Variants in DNAH3 observed in about 807,000 individuals in gnomAD.
DNAH3 encodes the protein axonemal beta dynein heavy chain 3.
A neutral mutation model predicts 432.5 loss-of-function variants in DNAH3; 332 were observed. The ratio of observed to expected loss-of-function variants is 0.77; its 90% confidence interval spans 0.70 to 0.84. The LOEUF (loss-of-function observed/expected upper bound fraction) is 0.84. Among genes scored for constraint, DNAH3 ranks in the 40% least tolerant of loss-of-function variants. The pLI, the probability that DNAH3 is intolerant of heterozygous loss-of-function variation, is 0.00. For synonymous variants in DNAH3, 1,956 were observed against 1,900.2 expected (o/e 1.03, Z -0.76); for missense variants, 4,861 against 5,114.0 (o/e 0.95, Z 1.51).
chr16:20,934,732 G>GT (rs1357141007), intron 61 of DNAH3, among the ~76,000 whole-genome samples: 1 of 151,868 alleles, frequency 6.6e-6, no homozygotes, highest in East Asian at 1.9e-4. Flanking sequence ...AAGAAAGATG[G>GT]TTTTATCTTT....
At position 20,985,347 on chromosome 16, in the gene DNAH3, T is replaced by C. The variant is rs751943109; in HGVS notation, c.7395A>G (p.Ala2465=). Reference sequence around the variant, plus strand: ...TAAGATCTTCTCGCCAGTCATTGCCTGCGTAGTTCTTGGTGATCTCAATCT... The same window carrying C: ...TAAGATCTTCTCGCCAGTCATTGCCCGCGTAGTTCTTGGTGATCTCAATCT... The change falls in exon 48 of 62, where the codon GCA becomes GCG. Residue 2465 remains alanine, a synonymous_variant. Coordinates refer to ENST00000261383, the Ensembl canonical transcript of DNAH3. 3.7e-6 allele frequency: 6 copies of C among 1,614,206 alleles called. No individual in the cohort carries two copies. In the Admixed American group the frequency reaches 1.0e-4, roughly 27 times the overall value.
exon 53 of DNAH3, chr16:20,965,356 A>G (rs780956822): frequency 6.4e-6 from 10 of 1,558,630 alleles, no homozygotes; most frequent in Admixed American, 4.0e-5. Context: ...ATATGTCTTA[A>G]GACTCTCCAA....
At chr16:20,969,661 CTTTCT>C (rs139683653) in intron 52 of DNAH3, 126 bp downstream of exon 52, 91,014 of 1,075,278 alleles carry the variant, frequency 0.085, 4,322 homozygotes, top group East Asian at 0.17. Flanking sequence ...AGCCTGGTTC[CTTTCT>C]TAATTCCTCC....
At position 21,039,949 on chromosome 16, in the gene DNAH3, A is replaced by G. The variant is rs557391920; in HGVS notation, c.4639-6T>C. The G allele has an allele frequency of 1.5e-5, 24 of 1,611,348 alleles. No individual in the cohort carries two copies. The highest frequency in any genetic ancestry group is 2.0e-5 in the Non-Finnish European group (24 of 1,177,726). On this transcript the variant is annotated splice_region_variant and splice_polypyrimidine_tract_variant and intron_variant, in intron 32 of 61. Coordinates refer to ENST00000261383, the Ensembl canonical transcript of DNAH3. ...GCCACTGTCCGGAACAAGGCCTGGA[A>G]AAGAAACAACAAATCAGAATCGGAA...
chr16:20,952,113 G>C (rs2084342091), intron 56 of DNAH3, among the ~76,000 whole-genome samples: 1 of 151,922 alleles, frequency 6.6e-6, no homozygotes, highest in Non-Finnish European at 1.5e-5. Context: ...CTTGACCTCA[G>C]GTGATCCACC....
intron 9 of DNAH3, among the ~76,000 whole-genome samples, chr16:21,122,671 G>T (rs994813944): frequency 2.0e-5 from 3 of 152,016 alleles, no homozygotes; most frequent in Admixed American, 2.0e-4. Flanking sequence ...GGTAATTCCT[G>T]CACCCAATAT....
intron 36 of DNAH3, 142 bp downstream of exon 36, chr16:21,033,832 C>T (rs2089018390): frequency 3.5e-6 from 2 of 572,590 alleles, no homozygotes; most frequent in Admixed American, 3.1e-5. Context: ...TGCTTGCAGA[C>T]ATCTGTGTGC....
chr16:21,127,500 G>T (rs1057042236), intron 8 of DNAH3, among the ~76,000 whole-genome samples, 187 bp downstream of exon 9: 13 of 152,026 alleles, frequency 8.6e-5, no homozygotes, highest in African/African-American at 3.1e-4. Flanking sequence ...GGCAGAAGTT[G>T]CAGTGAGCTG....
At chr16:21,154,449 C>T (rs774719189) in intron 1 of DNAH3, among the ~76,000 whole-genome samples, 5 of 151,928 alleles carry the variant, frequency 3.3e-5, no homozygotes, top group Admixed American at 6.6e-5. Flanking sequence ...GCTAATGGAC[C>T]CTATGGCCTG....
intron 58 of DNAH3, among the ~76,000 whole-genome samples, chr16:20,942,550 C>T (rs776721865): frequency 1.3e-5 from 2 of 152,086 alleles, no homozygotes; most frequent in Non-Finnish European, 2.9e-5. Flanking sequence ...GCACTAGGAA[C>T]CAAATCATGA....
exon 14 of DNAH3, chr16:21,111,770 A>G: frequency 6.2e-7 from 1 of 1,613,858 alleles, no homozygotes; most frequent in Non-Finnish European, 8.5e-7. Flanking sequence ...CATGGATGCA[A>G]TTTCATTTCT....
chr16:21,139,693 C>A (rs1040147126), intron 5 of DNAH3, among the ~76,000 whole-genome samples: 3 of 151,542 alleles, frequency 2.0e-5, no homozygotes, highest in African/African-American at 7.3e-5. Flanking sequence ...GTCTTGAGAT[C>A]CTGGGCTCAA....
chr16:21,055,745 A>ATC, intron 27 of DNAH3, among the ~76,000 whole-genome samples: 1 of 134,238 alleles, frequency 7.4e-6, no homozygotes, highest in South Asian at 2.5e-4. Context: ...TCAAATGCAG[A>ATC]TTTTTTTTTT....
chr16:20,970,621 T>C (rs918464195), intron 51 of DNAH3, among the ~76,000 whole-genome samples: 2 of 152,240 alleles, frequency 1.3e-5, no homozygotes, highest in Admixed American at 6.5e-5. Context: ...CCCTGAGTCT[T>C]AGCATGAAAA....
chr16:20,958,492 C>A (rs1393159388), intron 54 of DNAH3, among the ~76,000 whole-genome samples: 1 of 152,194 alleles, frequency 6.6e-6, no homozygotes, highest in Admixed American at 6.5e-5. Flanking sequence ...TATACCAGAG[C>A]TGTAAGATAA....
chr16:21,127,869 G>A (rs1427861877), intron 7 of DNAH3, 57 bp from the exon 9 acceptor site: 23 of 1,599,008 alleles, frequency 1.4e-5, no homozygotes, highest in Admixed American at 8.4e-5. Context: ...AACAAATCCC[G>A]CAGGACAGGT....
intron 18 of DNAH3, among the ~76,000 whole-genome samples, chr16:21,096,687 C>T (rs1001299347): frequency 3.3e-5 from 5 of 151,848 alleles, no homozygotes; most frequent in Admixed American, 1.3e-4. Flanking sequence ...TTTTTCCCAA[C>T]AAATCTGTCA....
At chr16:21,043,168 G>A (rs1286876696) in intron 31 of DNAH3, among the ~76,000 whole-genome samples, 1 of 151,788 alleles carries the variant, frequency 6.6e-6, no homozygotes, top group Non-Finnish European at 1.5e-5. Context: ...ATGATTTATA[G>A]TCATTTGGGT....
Position 21,021,964 on chromosome 16 carries a change from C to T in DNAH3, c.5776+7G>A, listed in dbSNP as rs2152713026. 6.2e-7 allele frequency: 1 copy of T among 1,613,370 alleles called. No homozygotes were observed. ...CATGTGGCTTAAGAATCATGGCTAG[C>T]ACTTACCAAGCAGAGAAGAGTACAG... is the stretch of plus-strand genomic sequence containing the variant. On this transcript the variant is annotated splice_region_variant and intron_variant, in intron 40 of 61. Transcript: ENST00000261383.
Sources: gnomAD v4.1 joint callset for allele counts (sites outside exome capture counted in the v4.1 genomes callset) on GRCh38, gnomAD v4.1.1 for gene constraint, MANE v1.5 for transcripts, NCBI Gene and HGNC (gene_info 2026-07-23, HGNC 2026-07-21) for gene names.